The following HS3ST5 variants were observed in gnomAD, a reference collection of about 807,000 sequenced individuals.
The protein encoded by HS3ST5 is heparan sulfate-glucosamine 3-sulfotransferase 5.
Under a neutral mutation model 25.4 loss-of-function variants are expected in HS3ST5, and 10 were observed. The observed-to-expected ratio is 0.39, with a 90% CI of 0.24 to 0.67. The LOEUF is 0.67. HS3ST5 is among the 30% of genes least tolerant of loss of function. The pLI, the probability that HS3ST5 is intolerant of heterozygous loss-of-function variation, is 0.44. For missense variants in HS3ST5, 324 were observed against 420.7 expected, an observed-to-expected ratio of 0.77 and a Z score of 2.01; for synonymous variants, 170 against 162.4, an observed-to-expected ratio of 1.05 and a Z score of -0.36.
intron 3 of HS3ST5, among the ~76,000 whole-genome samples, chr6:114,103,840 G>A (rs1775855962): frequency 7.1e-6 from 1 of 139,948 alleles, no homozygotes; most frequent in Non-Finnish European, 1.5e-5. Context: ...ACAAGCACCT[G>A]CCACCACACC....
In HS3ST5 at chr6:114,275,745, T is replaced by C. The variant is rs146247211; in HGVS notation, c.-338-46967A>G. On this transcript the variant is annotated intron_variant, in intron 1 of 4. Transcript: ENST00000312719. ...CTGACAAAACGTTATTTACAGGTAC[T>C]GAAATTTAAATGTTATATAATATTC... Among the ~76,000 whole-genome samples the C allele has an allele frequency of 3.8e-3, 575 of 152,202 alleles. 5 individuals are homozygous for C. Among genetic ancestry groups the C allele is most frequent in the African/African-American group, 0.012 (519 of 41,562 alleles).
rs370152678 is a variant in HS3ST5 at position 114,172,959 on chromosome 6, TA to T, written c.-144-4498del. The stretch of plus-strand genomic sequence containing the variant: ...CTTTTGGGGAACAATTTTTGGAATA[TA>T]AAAAAAAGTATTAAAGGGTAAATGA... On this transcript the variant is annotated intron_variant, in intron 2 of 4. Coordinates refer to ENST00000312719, the MANE Select transcript of HS3ST5 (RefSeq NM_153612.4). Among the ~76,000 whole-genome samples the T allele has an allele frequency of 7.2e-3, 1,102 of 152,058 alleles. 16 individuals are homozygous for T. Among genetic ancestry groups the T allele is most frequent in the African/African-American group, 0.025 (1,047 of 41,508 alleles).
rs762881476 is a variant in HS3ST5, at chr6:114,062,884, TAGA to T, written c.-32-10_-32-8del. ...CCTTCAGGACTGCTGCAGCCTGCGA[TAGA>T]AGGACTCATCAGCAGCCATCTCTTA... On this transcript the variant is annotated splice_region_variant and splice_polypyrimidine_tract_variant and intron_variant, in intron 3 of 4. Coordinates refer to ENST00000312719, the MANE Select transcript of HS3ST5 (RefSeq NM_153612.4). 6 of 1,511,742 alleles carry T rather than the reference TAGA, an allele frequency of 4.0e-6. No homozygotes were observed. The highest frequency in any genetic ancestry group is 5.5e-6 in the Non-Finnish European group (6 of 1,087,892). 93.6% of individuals were successfully genotyped at this position (1,511,742 alleles called of 1,614,324 possible). A position where few individuals can be genotyped will look rare whatever the true frequency, so the allele number is the denominator to read the frequency against.
At chr6:114,293,500 G>T (rs1308570190) in intron 1 of HS3ST5, among the ~76,000 whole-genome samples, 1 of 152,158 alleles carries the variant, frequency 6.6e-6, no homozygotes, top group African/African-American at 2.4e-5. Flanking sequence ...GGGAATACAT[G>T]AATTGCACCT....
At chr6:114,321,578 C>T (rs777095246) in intron 1 of HS3ST5, among the ~76,000 whole-genome samples, 9 of 151,864 alleles carry the variant, frequency 5.9e-5, no homozygotes, top group South Asian at 2.1e-4. Context: ...AGTGCAAGTT[C>T]GATAATGATA....
chr6:114,081,148 T>C (rs968281108), intron 3 of HS3ST5, among the ~76,000 whole-genome samples: 3 of 152,296 alleles, frequency 2.0e-5, no homozygotes, highest in Non-Finnish European at 4.4e-5. Context: ...TGCTGTCTTA[T>C]GTGGGTGTAG....
chr6:114,100,987 C>T (rs890649044), intron 3 of HS3ST5, among the ~76,000 whole-genome samples: 5 of 152,138 alleles, frequency 3.3e-5, no homozygotes, highest in African/African-American at 1.2e-4. Context: ...CATCAAGGGT[C>T]ACTAGTAATT....
At chr6:114,103,592 AT>A (rs914399706) in intron 3 of HS3ST5, among the ~76,000 whole-genome samples, 11 of 148,362 alleles carry the variant, frequency 7.4e-5, no homozygotes, top group African/African-American at 1.5e-4. Context: ...TTTTAAATTA[AT>A]TTTTTTTTTA....
At chr6:114,198,609 C>T (rs1331566979) in intron 2 of HS3ST5, among the ~76,000 whole-genome samples, 3 of 152,110 alleles carry the variant, frequency 2.0e-5, no homozygotes, top group Non-Finnish European at 4.4e-5. Context: ...AAGTGATTCA[C>T]CAGGTTGTAT....
At chr6:114,177,551 C>A (rs1447533745) in intron 2 of HS3ST5, among the ~76,000 whole-genome samples, 1 of 152,170 alleles carries the variant, frequency 6.6e-6, no homozygotes, top group Admixed American at 6.5e-5. Context: ...TGCCTTATTT[C>A]TAAAGTATGA....
intron 2 of HS3ST5, among the ~76,000 whole-genome samples, chr6:114,222,750 T>G (rs1030864442): frequency 2.6e-5 from 4 of 151,808 alleles, no homozygotes; most frequent in African/African-American, 9.7e-5. Context: ...AAATGTTAGC[T>G]AAGACACTCA....
chr6:114,120,110 A>C (rs1562204448), intron 3 of HS3ST5, among the ~76,000 whole-genome samples: 1 of 152,176 alleles, frequency 6.6e-6, no homozygotes, highest in East Asian at 1.9e-4. Context: ...GTGCCATTGC[A>C]CTCTAGCCTG....
At chr6:114,320,028 T>C (rs1179382867) in intron 1 of HS3ST5, among the ~76,000 whole-genome samples, 1 of 152,044 alleles carries the variant, frequency 6.6e-6, no homozygotes, top group Non-Finnish European at 1.5e-5. Context: ...AGGATAATAA[T>C]AATAATAATA....
chr6:114,303,739 A>G (rs1334233558), intron 1 of HS3ST5, among the ~76,000 whole-genome samples: 1 of 152,182 alleles, frequency 6.6e-6, no homozygotes, highest in Non-Finnish European at 1.5e-5. Context: ...AAATTCTACT[A>G]TAACACTGTC....
chr6:114,199,980 A>G (rs1172192030), intron 2 of HS3ST5, among the ~76,000 whole-genome samples: 1 of 152,070 alleles, frequency 6.6e-6, no homozygotes, highest in East Asian at 1.9e-4. Flanking sequence ...TTGGGAGGCT[A>G]AGGGGGTGGA....
intron 3 of HS3ST5, among the ~76,000 whole-genome samples, chr6:114,087,798 C>T (rs976733969): frequency 6.6e-6 from 1 of 152,170 alleles, no homozygotes; most frequent in African/African-American, 2.4e-5. Flanking sequence ...GTTCATCTCT[C>T]TGTCCTGTGC....
chr6:114,069,642 T>C (rs1404230352), intron 3 of HS3ST5, among the ~76,000 whole-genome samples: 1 of 151,186 alleles, frequency 6.6e-6, no homozygotes, highest in Non-Finnish European at 1.5e-5. Flanking sequence ...CCTCAGCCTC[T>C]CGAGTAGCTG....
intron 3 of HS3ST5, among the ~76,000 whole-genome samples, chr6:114,087,084 C>T (rs1031319496): frequency 1.3e-5 from 2 of 152,104 alleles, no homozygotes; most frequent in Non-Finnish European, 2.9e-5. Flanking sequence ...TGCCCTCTTT[C>T]CTTGATGAGG....
intron 3 of HS3ST5, among the ~76,000 whole-genome samples, chr6:114,142,610 AATC>A (rs1187165297): frequency 1.3e-5 from 2 of 152,228 alleles, no homozygotes; most frequent in Non-Finnish European, 2.9e-5. Context: ...CAATAGATAT[AATC>A]ATCTTTTTCC....
Sources: allele counts gnomAD v4.1 joint callset (sites outside exome capture counted in the v4.1 genomes callset), GRCh38; gene constraint gnomAD v4.1.1; transcripts MANE v1.5; gene names NCBI Gene and HGNC (gene_info 2026-07-23, HGNC 2026-07-21).